ZFAND2A: variants seen among roughly 807,000 people sequenced by gnomAD.
The protein encoded by ZFAND2A is AN1-type zinc finger protein 2A.
ZFAND2A carries 20 observed loss-of-function variants against 11.6 expected under a neutral mutation model. The ratio of observed to expected loss-of-function variants is 1.72; its 90% confidence interval spans 1.21 to 2.50. The LOEUF is 2.50. Among genes scored for constraint, ZFAND2A ranks in the 30% most tolerant of loss-of-function variants. ZFAND2A has a pLI of 0.00. For synonymous variants in ZFAND2A, 93 were observed against 60.6 expected, an observed-to-expected ratio of 1.54 and a Z score of -2.48; for missense variants, 234 against 182.9, an observed-to-expected ratio of 1.28 and a Z score of -1.61.
chr7:1,152,329 T>C, downstream of ZFAND2A: 6 of 1,575,896 alleles, frequency 3.8e-6, no homozygotes, highest in Non-Finnish European at 5.2e-6. Flanking sequence ...ATTCAGAGAC[T>C]GTCATGGGTG....
chr7:1,152,979 G>C lies in ZFAND2A; in HGVS notation c.*90C>G. On this transcript the variant is annotated 3_prime_UTR_variant, in exon 5 of 5. Transcript: ENST00000316495. The stretch of plus-strand genomic sequence containing the variant: ...CAAGATCAGCAGCCAGTGTGGGATG[G>C]TGCTCAATGGGGCTCCACTTCCCAC... 3 of 1,524,540 alleles carry C rather than the reference G, an allele frequency of 2.0e-6. No individual in the cohort carries two copies. Among genetic ancestry groups the C allele is most frequent in the Non-Finnish European group, 2.7e-6 (3 of 1,111,868 alleles). The allele number at this position is 1,524,540 out of a possible 1,614,324, so 94.4% of individuals were successfully genotyped here.
chr7:1,150,752 T>C (rs971437546), downstream of ZFAND2A, among the ~76,000 whole-genome samples: 16 of 152,170 alleles, frequency 1.1e-4, no homozygotes, highest in Non-Finnish European at 1.6e-4. Flanking sequence ...TTTAAGTCAC[T>C]TCTGGAAGTT....
At position 1,155,500 on chromosome 7, in the gene ZFAND2A, G is replaced by T. The variant is rs150803170; in HGVS notation, c.235C>A (p.His79Asn). ...TGAGAGTCACAGTCTCTGTCAATGT[G>T]ATCACCAACCACCACGTCTGGTATC... ...GQIPDVVVGD[H>N]IDRDCDSHPG... The change falls in exon 4 of 5, where the codon CAC becomes AAC. Residue 79 changes from histidine (H) to asparagine (N), a missense_variant. Physicochemically the swap from His to Asn is moderately conservative, Grantham distance 68 (BLOSUM62 1). Transcript: ENST00000316495. The T allele has an allele frequency of 2.3e-4, 370 of 1,613,724 alleles. 1 individual carries two copies. The highest frequency in any genetic ancestry group is 3.0e-4 in the Non-Finnish European group (356 of 1,179,884).
At chr7:1,152,451 C>T (rs1415497883), downstream of ZFAND2A, 28 of 1,323,462 alleles carry the variant, frequency 2.1e-5, no homozygotes, top group Admixed American at 5.9e-5. Flanking sequence ...CAGGGATGGA[C>T]GCCAGACACC....
downstream of ZFAND2A, chr7:1,152,357 T>G (rs1338850625): frequency 1.3e-6 from 2 of 1,549,054 alleles, no homozygotes; most frequent in African/African-American, 2.7e-5. Context: ...ACAGAGAGGG[T>G]GGATGGATCA....
chr7:1,159,415 C>T (rs1271843392), intron 1 of ZFAND2A, among the ~76,000 whole-genome samples: 1 of 152,154 alleles, frequency 6.6e-6, no homozygotes, highest in Non-Finnish European at 1.5e-5. Flanking sequence ...CCCGGTACTA[C>T]GGCCCCGATG....
intron 4 of ZFAND2A, 108 bp downstream of exon 4, chr7:1,155,345 T>G: frequency 6.7e-7 from 1 of 1,481,948 alleles, no homozygotes; most frequent in Non-Finnish European, 9.0e-7. Context: ...TCTTCTTTTC[T>G]ACTTTGTACA....
chr7:1,156,959 G>C (rs1184513491), intron 3 of ZFAND2A: 1 of 152,290 alleles, frequency 6.6e-6, no homozygotes, highest in Non-Finnish European at 1.5e-5. Flanking sequence ...AAAATGGCTG[G>C]AGGGTCAGAC....
chr7:1,152,620 CTG>C (rs2128257127), downstream of ZFAND2A, among the ~76,000 whole-genome samples: 1 of 152,296 alleles, frequency 6.6e-6, no homozygotes, highest in East Asian at 1.9e-4. Flanking sequence ...GAGGTCACGA[CTG>C]TGGGATCACA....
At position 1,155,596 on chromosome 7, in the gene ZFAND2A, A is replaced by G. The variant is rs1432650481; in HGVS notation, c.151-12T>C. On this transcript the variant is annotated splice_polypyrimidine_tract_variant and intron_variant, in intron 3 of 4. Transcript: ENST00000316495. ...GGGACGTGAACATCCTAAAAATAACAAAGGTAAGATGGCATCTGAGACTCA... is the reference window on the plus strand; with the variant it reads ...GGGACGTGAACATCCTAAAAATAACGAAGGTAAGATGGCATCTGAGACTCA... The G allele has an allele frequency of 2.5e-6, 4 of 1,611,320 alleles. No individual in the cohort carries two copies. Among genetic ancestry groups the G allele is most frequent in the Non-Finnish European group, 3.4e-6 (4 of 1,178,640 alleles).
intron 2 of ZFAND2A, 94 bp from the exon 3 acceptor site, chr7:1,157,844 G>A: frequency 9.6e-7 from 1 of 1,037,422 alleles, no homozygotes; most frequent in Non-Finnish European, 1.4e-6. Flanking sequence ...AAGTGTTTTA[G>A]GCCTATGAGA....
chr7:1,153,165 T>C lies in ZFAND2A; in HGVS notation c.342A>G (p.Val114=), dbSNP rs1194081664. The change falls in exon 5 of 5, where the codon GTA becomes GTG. Residue 114 remains valine (V), a synonymous_variant. Coordinates refer to ENST00000316495, the MANE Select transcript of ZFAND2A (RefSeq NM_182491.4). ...AGAAGTTGCCGTGACATTGGGCACA[T>C]ACCATCTGCAGCATCTCTTTCTTCT... is the stretch of plus-strand genomic sequence containing the variant. The part of the protein sequence containing the change: ...GCKKKEMLQM[V]CAQCHGNFCI... 3 of 1,614,200 alleles carry C rather than the reference T, an allele frequency of 1.9e-6. No homozygotes were observed. Among genetic ancestry groups the C allele is most frequent in the East Asian group, 2.2e-5 (1 of 44,888 alleles).
At chr7:1,155,620 C>T (rs754202704) in intron 3 of ZFAND2A, 36 bp from the exon 4 acceptor site, 2 of 1,605,296 alleles carry the variant, frequency 1.2e-6, no homozygotes, top group East Asian at 2.2e-5. Flanking sequence ...ATCTGAGACT[C>T]ATGCAACTTA....
chr7:1,159,408 G>A (rs941516120), intron 1 of ZFAND2A, among the ~76,000 whole-genome samples: 1 of 152,104 alleles, frequency 6.6e-6, no homozygotes, highest in African/African-American at 2.4e-5. Flanking sequence ...CGTGCGACCC[G>A]GTACTACGGC....
At chr7:1,152,280 CGCCAGGA>C, downstream of ZFAND2A, 1 of 1,583,448 alleles carries the variant, frequency 6.3e-7, no homozygotes, top group Non-Finnish European at 8.6e-7. Flanking sequence ...TGGGCCAGCC[CGCCAGGA>C]GCCAGGGTGA....
chr7:1,151,628 T>C (rs1793399000), downstream of ZFAND2A, among the ~76,000 whole-genome samples: 1 of 151,852 alleles, frequency 6.6e-6, no homozygotes, highest in South Asian at 2.1e-4. Flanking sequence ...CATGGCAGTT[T>C]GGTGCCTGTA....
rs1476106696 is a variant in ZFAND2A, at chr7:1,157,687, G to A, written c.119C>T (p.Ala40Val). The change falls in exon 3 of 5, where the codon GCT (alanine) becomes GTT (valine). Residue 40 changes from alanine to valine, a missense_variant. Physicochemically the swap from Ala to Val is moderately conservative, Grantham distance 64. Coordinates refer to ENST00000316495, the MANE Select transcript of ZFAND2A (RefSeq NM_182491.4). Reference protein sequence around the residue: ...QDFCKDHFPYAAHKCPFAFQK... With the variant: ...QDFCKDHFPYVAHKCPFAFQK... The stretch of plus-strand genomic sequence containing the variant: ...GAATGCAAACGGACACTTATGTGCA[G>A]CGTATGGAAAATGATCTTTACAGAA... The A allele has an allele frequency of 3.8e-6, 6 of 1,569,404 alleles. No individual in the cohort carries two copies. The African/African-American group carries it at 4.1e-5, about 11-fold the overall frequency.
At chr7:1,159,112 G>C (rs1388360329) in intron 1 of ZFAND2A, among the ~76,000 whole-genome samples, 1 of 151,996 alleles carries the variant, frequency 6.6e-6, no homozygotes, top group Non-Finnish European at 1.5e-5. Flanking sequence ...TTACACGCCC[G>C]CTACTTAAGG....
chr7:1,159,161 C>G (rs1056378917), intron 1 of ZFAND2A, among the ~76,000 whole-genome samples: 1 of 152,248 alleles, frequency 6.6e-6, no homozygotes, highest in East Asian at 1.9e-4. Context: ...TCGCCCACAG[C>G]TTCCAACTAC....
Sources: gnomAD v4.1 joint callset for allele counts (sites outside exome capture counted in the v4.1 genomes callset) on GRCh38, gnomAD v4.1.1 for gene constraint, MANE v1.5 for transcripts, NCBI Gene and HGNC (gene_info 2026-07-23, HGNC 2026-07-21) for gene names.